ENTREP1: variants seen among roughly 807,000 people sequenced by gnomAD.
ENTREP1 encodes the protein endosomal transmembrane epsin interactor 1.
At chr9:69,375,735 G>A in the ENTREP1 span, 1 of 1,611,052 alleles carries the variant, frequency 6.2e-7, no homozygotes, top group Non-Finnish European at 8.5e-7. Context: ...CCTCCGTTAA[G>A]GTGGACTTAG....
chr9:69,344,620 G>C, the ENTREP1 span, among the ~76,000 whole-genome samples: 1 of 152,174 alleles, frequency 6.6e-6, no homozygotes, highest in Admixed American at 6.5e-5. Context: ...CTGAGGCCAC[G>C]TGCTTATGTT....
At chr9:69,326,650 C>T in the ENTREP1 span, among the ~76,000 whole-genome samples, 1 of 152,122 alleles carries the variant, frequency 6.6e-6, no homozygotes, top group African/African-American at 2.4e-5. Flanking sequence ...TGTTGAGAGA[C>T]TTGGAAACAC....
the ENTREP1 span, among the ~76,000 whole-genome samples, chr9:69,330,895 C>G: frequency 6.6e-6 from 1 of 152,112 alleles, no homozygotes; most frequent in Admixed American, 6.5e-5. Flanking sequence ...AGCACCAGAC[C>G]TGGAATACAC....
the ENTREP1 span, chr9:69,324,793 G>T: frequency 1.2e-5 from 12 of 985,170 alleles, no homozygotes; most frequent in African/African-American, 2.1e-4. Context: ...TCACTAAAGC[G>T]CGCCAGGGCC....
the ENTREP1 span, chr9:69,384,086 G>A: frequency 8.1e-5 from 107 of 1,323,014 alleles, no homozygotes; most frequent in Non-Finnish European, 1.1e-4. Flanking sequence ...GGCTGGGCAA[G>A]GTGGCTTATC....
At chr9:69,377,654 G>T in the ENTREP1 span, 4 of 1,614,036 alleles carry the variant, frequency 2.5e-6, no homozygotes, top group Middle Eastern at 3.3e-4. Context: ...GATCATGGAC[G>T]CATCCCCGAC....
chr9:69,327,813 C>G, the ENTREP1 span, among the ~76,000 whole-genome samples: 2 of 152,188 alleles, frequency 1.3e-5, no homozygotes, highest in Admixed American at 1.3e-4. Flanking sequence ...AAACACAGGT[C>G]TATATGCAAC....
the ENTREP1 span, chr9:69,379,882 T>C: frequency 6.6e-6 from 1 of 152,286 alleles, no homozygotes; most frequent in Non-Finnish European, 1.5e-5. Flanking sequence ...TCTCCTCGCT[T>C]TCCTTTCTCT....
chr9:69,371,753 A>G, the ENTREP1 span: 1 of 640,004 alleles, frequency 1.6e-6, no homozygotes, highest in Non-Finnish European at 2.8e-6. Context: ...AAACAAAACA[A>G]AGAGCTGCCT....
chr9:69,330,198 G>T, the ENTREP1 span, among the ~76,000 whole-genome samples: 9 of 152,096 alleles, frequency 5.9e-5, no homozygotes, highest in Admixed American at 3.9e-4. Flanking sequence ...AGATTCCACT[G>T]GGGTATGGGA....
chr9:69,347,851 A>G, the ENTREP1 span, among the ~76,000 whole-genome samples: 1 of 152,160 alleles, frequency 6.6e-6, no homozygotes, highest in African/African-American at 2.4e-5. Context: ...CAACACCAGG[A>G]AGAATGATTG....
At chr9:69,385,674 C>T in the ENTREP1 span, 1 of 1,390,034 alleles carries the variant, frequency 7.2e-7, no homozygotes, top group Non-Finnish European at 9.3e-7. Flanking sequence ...TTATTAACTG[C>T]ATTACCCTTG....
chr9:69,377,015 G>T, the ENTREP1 span, among the ~76,000 whole-genome samples: 1 of 152,144 alleles, frequency 6.6e-6, no homozygotes, highest in Admixed American at 6.5e-5. Context: ...TGCTATCCCT[G>T]GGGAAATCAG....
At chr9:69,388,716 G>T in the ENTREP1 span, among the ~76,000 whole-genome samples, 2 of 152,194 alleles carry the variant, frequency 1.3e-5, no homozygotes, top group Non-Finnish European at 2.9e-5. Context: ...ATTAAAGAGT[G>T]CATCCTAGGA....
the ENTREP1 span, chr9:69,391,697 C>T: frequency 6.2e-7 from 1 of 1,614,114 alleles, no homozygotes; most frequent in South Asian, 1.1e-5. Flanking sequence ...CGGCGACCTT[C>T]ACACCTTCAC....
chr9:69,359,222 A>C, the ENTREP1 span, among the ~76,000 whole-genome samples: 1 of 152,054 alleles, frequency 6.6e-6, no homozygotes, highest in Non-Finnish European at 1.5e-5. Flanking sequence ...TTTCTTTCTT[A>C]TTAGAATACT....
chr9:69,385,794 G>A, the ENTREP1 span: 6 of 1,270,594 alleles, frequency 4.7e-6, no homozygotes, highest in Non-Finnish European at 5.3e-6. Context: ...TTTTAAATCA[G>A]ATGGGGACAT....
the ENTREP1 span, among the ~76,000 whole-genome samples, chr9:69,340,496 CAT>C: frequency 4.6e-5 from 7 of 152,080 alleles, no homozygotes; most frequent in East Asian, 1.9e-4. Flanking sequence ...CTAACATACT[CAT>C]GTGTTCAGAA....
chr9:69,325,396 T>C, the ENTREP1 span: 8 of 1,097,258 alleles, frequency 7.3e-6, no homozygotes, highest in African/African-American at 6.7e-5. Flanking sequence ...CGGGCGCCGC[T>C]GCCGCCGCCG....
Sources: allele counts gnomAD v4.1 joint callset (sites outside exome capture counted in the v4.1 genomes callset), GRCh38; gene constraint gnomAD v4.1.1; transcripts MANE v1.5; gene names NCBI Gene and HGNC (gene_info 2026-07-23, HGNC 2026-07-21).